The following DGAT1 variants were observed in gnomAD, a reference collection of about 807,000 sequenced individuals.
DGAT1 encodes the protein ACAT related gene product 1.
A neutral mutation model predicts 72.6 loss-of-function variants in DGAT1; 60 were observed. The ratio of observed to expected loss-of-function variants is 0.83; its 90% CI spans 0.67 to 1.02. The LOEUF is 1.02. DGAT1 is among the 50% of genes least tolerant of loss of function. The pLI is 0.00. For missense variants in DGAT1, 592 were observed against 670.0 expected (o/e 0.88, Z 1.29); for synonymous variants, 290 against 267.5 (o/e 1.08, Z -0.82).
rs781826408 is a variant in DGAT1, at chr8:144,317,343, G to C, written c.1084C>G (p.Arg362Gly). 1 of 1,613,564 alleles carries C rather than the reference G, an allele frequency of 6.2e-7. No homozygotes were observed. The highest frequency in any genetic ancestry group is 8.5e-7 in the Non-Finnish European group (1 of 1,179,908). The change falls in exon 13 of 17, where the codon CGG becomes GGG. Residue 362 changes from arginine (R) to glycine (G), a missense_variant. Physicochemically the swap from Arg to Gly is moderately radical, Grantham distance 125. Transcript: ENST00000528718. ...CCCAGGGACACTCACCACCAGTCCC[G>C]GTAGAACTCCCGGTCTCCAAACTGC... ...LMQFGDREFY[R>G]DWWNSESVTY...
chr8:144,314,712 G>C lies in DGAT1; in HGVS notation c.*1842C>G, dbSNP rs1038361045. 6 of 247,122 alleles carry C rather than the reference G, an allele frequency of 2.4e-5. No individual in the cohort carries two copies. Among genetic ancestry groups the C allele is most frequent in the African/African-American group, 1.3e-4 (6 of 45,780 alleles). 15.3% of individuals were successfully genotyped at this position (247,122 alleles called of 1,614,324 possible). ...CAGGCAGAGATCTATAAACAGACAG[G>C]CTCTATGCTATGGCCTCCATGTGTT... On this transcript the variant is annotated 3_prime_UTR_variant, in exon 17 of 17. Coordinates refer to ENST00000528718, the MANE Select transcript of DGAT1 (RefSeq NM_012079.6).
chr8:144,317,399 T>C lies in DGAT1; in HGVS notation c.1028A>G (p.His343Arg), dbSNP rs1554847288. 1 of 1,612,962 alleles carries C rather than the reference T, an allele frequency of 6.2e-7. No individual in the cohort carries two copies. Among genetic ancestry groups the C allele is most frequent in the South Asian group, 1.1e-5 (1 of 91,026 alleles). Residue 343 changes from histidine to arginine, a missense_variant, in exon 13 of 17, where the codon CAC (histidine) becomes CGC (arginine). By Grantham distance (29) the His-to-Arg change is conservative. Transcript: ENST00000528718. ...CTCAGCCACGGCATTCAGGCAGGAG[T>C]GGAAGAGCCAGTAGAAGAAGATGAG... ...IWLIFFYWLF[H>R]SCLNAVAELM...
chr8:144,318,989 A>C, intron 3 of DGAT1, 39 bp downstream of exon 3: 1 of 679,780 alleles, frequency 1.5e-6, no homozygotes, highest in African/African-American at 2.1e-5. Flanking sequence ...TGGACAGGCC[A>C]TGGGTGGGGC....
At position 144,315,916 on chromosome 8, in the gene DGAT1, C is replaced by T; in HGVS notation, c.*638G>A. 2.0e-6 allele frequency: 2 copies of T among 986,230 alleles called. No homozygotes were observed. Among genetic ancestry groups the T allele is most frequent in the South Asian group, 4.7e-5 (1 of 21,330 alleles). 61.1% of individuals were successfully genotyped at this position (986,230 alleles called of 1,614,324 possible). A position where few individuals can be genotyped will look rare whatever the true frequency, so the allele number is the denominator to read the frequency against. On this transcript the variant is annotated 3_prime_UTR_variant, in exon 17 of 17. Transcript: ENST00000528718. ...CACACCAGAAAGGCCCTGTGGACTG[C>T]CCATCCCTGGGCCATCCTGGCTGGA...
intron 1 of DGAT1, 73 bp downstream of exon 1, chr8:144,326,364 C>T: frequency 4.6e-6 from 6 of 1,301,214 alleles, no homozygotes; most frequent in Non-Finnish European, 6.0e-6. Flanking sequence ...GGACTCGGAG[C>T]TCGCGCTTCG....
chr8:144,316,373 C>G lies in DGAT1; in HGVS notation c.*181G>C, dbSNP rs1817221111. 1.3e-6 allele frequency: 1 copy of G among 768,204 alleles called. No homozygotes were observed. Among genetic ancestry groups the G allele is most frequent in the African/African-American group, 1.8e-5 (1 of 56,962 alleles). 47.6% of individuals were successfully genotyped at this position (768,204 alleles called of 1,614,324 possible). ...CAGCTGGCATCAGACTGTGTCTGGC[C>G]TGCTGTCGCCATCCCTGAGGGGTGC... On this transcript the variant is annotated 3_prime_UTR_variant, in exon 17 of 17. Transcript: ENST00000528718.
intron 1 of DGAT1, among the ~76,000 whole-genome samples, chr8:144,323,066 C>G (rs1226018990): frequency 6.6e-6 from 1 of 152,166 alleles, no homozygotes; most frequent in African/African-American, 2.4e-5. Context: ...TCCACTGCCC[C>G]CTCTTCCCCA....
In DGAT1 at chr8:144,318,456, C is replaced by T. The variant is rs782149559; in HGVS notation, c.574+5G>A. On this transcript the variant is annotated splice_donor_5th_base_variant and intron_variant, in intron 6 of 16. Coordinates refer to ENST00000528718, the MANE Select transcript of DGAT1 (RefSeq NM_012079.6). ...ACAGATGGGCAGGGTGGGATGGGGG[C>T]GCACCTGGAGTGATAGACTCAACCA... 24 of 1,610,108 alleles carry T rather than the reference C, an allele frequency of 1.5e-5. No individual in the cohort carries two copies. The highest frequency in any genetic ancestry group is 6.7e-5 in the African/African-American group (5 of 74,878).
chr8:144,315,567 G>A lies in DGAT1; in HGVS notation c.*987C>T. On this transcript the variant is annotated 3_prime_UTR_variant, in exon 17 of 17. Coordinates refer to ENST00000528718, the MANE Select transcript of DGAT1 (RefSeq NM_012079.6). ...CAAGGTAAGGCAGCAGCAGGGCCCTGGGGTTACCCCTGACCTCCCGCTACC... is the reference window on the plus strand; with the variant it reads ...CAAGGTAAGGCAGCAGCAGGGCCCTAGGGTTACCCCTGACCTCCCGCTACC... 3.0e-6 allele frequency: 3 copies of A among 985,680 alleles called. No individual in the cohort carries two copies. The highest frequency in any genetic ancestry group is 3.6e-6 in the Non-Finnish European group (3 of 830,110). The allele number at this position is 985,680 out of a possible 1,614,324, so 61.1% of individuals were successfully genotyped here.
At chr8:144,317,870 AGGCCCCCTAGCCTCCAGT>A (rs1554847419) in intron 9 of DGAT1, 26 bp downstream of exon 9, 2 of 1,580,510 alleles carry the variant, frequency 1.3e-6, no homozygotes, top group African/African-American at 2.7e-5. Flanking sequence ...GCTAGCCAGA[AGGCCCCCTAGCCTCCAGT>A]GGCTGCCCCC....
At position 144,317,411 on chromosome 8, in the gene DGAT1, T is replaced by A. The variant is rs782372012; in HGVS notation, c.1016A>T (p.Tyr339Phe). 3.7e-6 allele frequency: 6 copies of A among 1,613,744 alleles called. No individual in the cohort carries two copies. Among genetic ancestry groups the A allele is most frequent in the African/African-American group, 2.7e-5 (2 of 74,964 alleles). The change falls in exon 13 of 17, where the codon TAC becomes TTC. Residue 339 changes from tyrosine (Y) to phenylalanine (F), a missense_variant. By Grantham distance (22) the Tyr-to-Phe change is conservative (BLOSUM62 3). Coordinates refer to ENST00000528718, the MANE Select transcript of DGAT1 (RefSeq NM_012079.6). ...ATTCAGGCAGGAGTGGAAGAGCCAG[T>A]AGAAGAAGATGAGCCAGATGAGGTG... ...PNHLIWLIFF[Y>F]WLFHSCLNAV...
intron 1 of DGAT1, among the ~76,000 whole-genome samples, chr8:144,324,440 G>C (rs530080420): frequency 6.6e-6 from 1 of 152,178 alleles, no homozygotes; most frequent in Non-Finnish European, 1.5e-5. Context: ...GCCAGTGGCC[G>C]AGCCCTGCTG....
chr8:144,316,560 C>G lies in DGAT1; in HGVS notation c.1461G>C (p.Glu487Asp), dbSNP rs1554847011. 3 of 1,593,216 alleles carry G rather than the reference C, an allele frequency of 1.9e-6. No homozygotes were observed. The highest frequency in any genetic ancestry group is 2.7e-5 in the African/African-American group (2 of 74,572). The change falls in exon 17 of 17, where the codon GAG (glutamate) becomes GAC (aspartate). Residue 487 changes from glutamate (E) to aspartate (D), a missense_variant. By Grantham distance (45) the Glu-to-Asp change is conservative (BLOSUM62 2). Coordinates refer to ENST00000528718, the MANE Select transcript of DGAT1 (RefSeq NM_012079.6). ...YVLNYEAPAA[E>D]A ...CCAGGCCCTCAGGTGCAGCTCAGGC[C>G]TCTGCCGCTGGGGCCTCATAGTTGA...
At position 144,318,063 on chromosome 8, in the gene DGAT1, C is replaced by T. The variant is rs782395052; in HGVS notation, c.751+32G>A. The T allele has an allele frequency of 6.6e-6, 10 of 1,519,718 alleles. No homozygotes were observed. In the Admixed American group the frequency reaches 1.5e-4, roughly 24 times the overall value. 94.1% of individuals were successfully genotyped at this position (1,519,718 alleles called of 1,614,324 possible). A position where few individuals can be genotyped will look rare whatever the true frequency, so the allele number is the denominator to read the frequency against. On this transcript the variant is annotated intron_variant, in intron 8 of 16. Coordinates refer to ENST00000528718, the MANE Select transcript of DGAT1 (RefSeq NM_012079.6). The stretch of plus-strand genomic sequence containing the variant: ...TGGTACCAGAACAGGCCCAGCCTGT[C>T]CCCCGCACCTCAGGCCCACAGAGGT...
chr8:144,323,516 A>G (rs1459715092), intron 1 of DGAT1, among the ~76,000 whole-genome samples: 3 of 152,278 alleles, frequency 2.0e-5, no homozygotes, highest in East Asian at 1.9e-4. Flanking sequence ...TGTGGGCTAC[A>G]GGGCAGGCTG....
intron 1 of DGAT1, among the ~76,000 whole-genome samples, chr8:144,324,702 G>A (rs1323586164): frequency 1.3e-5 from 2 of 152,164 alleles, no homozygotes; most frequent in Admixed American, 6.6e-5. Flanking sequence ...GAAGGTGACT[G>A]CTCTCCCCTG....
At chr8:144,320,808 G>T (rs782277606) in intron 2 of DGAT1, among the ~76,000 whole-genome samples, 1 of 152,100 alleles carries the variant, frequency 6.6e-6, no homozygotes, top group Non-Finnish European at 1.5e-5. Flanking sequence ...ACTGCAGAGT[G>T]GTGGCCAGGC....
rs1817218187 is a variant in DGAT1, at chr8:144,316,315, C to A, written c.*239G>T. The A allele has an allele frequency of 3.5e-6, 2 of 567,018 alleles. No individual in the cohort carries two copies. The highest frequency in any genetic ancestry group is 3.8e-5 in the African/African-American group (2 of 53,256). The allele number at this position is 567,018 out of a possible 1,614,324, so 35.1% of individuals were successfully genotyped here. Reference sequence around the variant, plus strand: ...GTCACTGGACAGCACTTTATTGACACCCTCGGACCCGGGGCAGGGTCAGCA... The same window carrying A: ...GTCACTGGACAGCACTTTATTGACAACCTCGGACCCGGGGCAGGGTCAGCA... On this transcript the variant is annotated 3_prime_UTR_variant, in exon 17 of 17. Coordinates refer to ENST00000528718, the MANE Select transcript of DGAT1 (RefSeq NM_012079.6).
rs1554846875 is a variant in DGAT1 at position 144,315,932 on chromosome 8, C to A, written c.*622G>T. ...TGTGGACTGCCCATCCCTGGGCCAT[C>A]CTGGCTGGAGCCCACTTCCCGCAAA... On this transcript the variant is annotated 3_prime_UTR_variant, in exon 17 of 17. Coordinates refer to ENST00000528718, the MANE Select transcript of DGAT1 (RefSeq NM_012079.6). The A allele has an allele frequency of 6.1e-6, 6 of 986,574 alleles. No individual in the cohort carries two copies. The highest frequency in any genetic ancestry group is 7.2e-6 in the Non-Finnish European group (6 of 830,926). 61.1% of individuals were successfully genotyped at this position (986,574 alleles called of 1,614,324 possible).
Sources: allele counts gnomAD v4.1 joint callset (sites outside exome capture counted in the v4.1 genomes callset), GRCh38; gene constraint gnomAD v4.1.1; transcripts MANE v1.5; gene names NCBI Gene and HGNC (gene_info 2026-07-23, HGNC 2026-07-21).